The following NRDE2 variants were observed in gnomAD, a reference collection of about 807,000 sequenced individuals.
NRDE2 encodes the protein NRDE-2, necessary for RNA interference, domain containing.
NRDE2 carries 76 observed loss-of-function variants against 124.2 expected under a neutral mutation model. The ratio of observed to expected loss-of-function variants is 0.61; its 90% CI spans 0.51 to 0.74. NRDE2 has a LOEUF of 0.74. Among genes scored for constraint, NRDE2 ranks in the 30% least tolerant of loss-of-function variants. The pLI is 0.00. For synonymous variants in NRDE2, 489 were observed against 528.1 expected (o/e 0.93, Z 1.01); for missense variants, 1,314 against 1,417.3 (o/e 0.93, Z 1.17).
intron 1 of NRDE2, among the ~76,000 whole-genome samples, chr14:90,319,237 G>C (rs1345473480): frequency 6.6e-6 from 1 of 152,198 alleles, no homozygotes; most frequent in African/African-American, 2.4e-5. Context: ...TGGGAGGCCA[G>C]AGCTTATTCA....
chr14:90,301,413 C>T (rs748192292), intron 6 of NRDE2, 41 bp from the exon 7 acceptor site: 15 of 1,604,184 alleles, frequency 9.4e-6, no homozygotes, highest in Non-Finnish European at 1.3e-5. Flanking sequence ...CTGGTTGATA[C>T]CGTTAAAGGG....
rs201773398 is a variant in NRDE2 at position 90,269,392 on chromosome 14, C to T, written c.*8944G>A. The T allele has an allele frequency of 3.0e-3, 4,689 of 1,566,484 alleles. 10 individuals carry two copies. The highest frequency in any genetic ancestry group is 3.6e-3 in the Non-Finnish European group (4,210 of 1,161,762). On this transcript the variant is annotated 3_prime_UTR_variant, in exon 14 of 14. Transcript: ENST00000354366. ...TTCATTCCTTCCCTTTTTTTTTTTC[C>T]AAAGATATGACTCCAATTCTGGTGG...
At chr14:90,312,848 C>T (rs190747314) in intron 3 of NRDE2, among the ~76,000 whole-genome samples, 23 of 152,282 alleles carry the variant, frequency 1.5e-4, no homozygotes, top group African/African-American at 5.5e-4. Context: ...TAAAATATTT[C>T]ATTTAGATTA....
At chr14:90,313,394 G>A (rs935522860) in intron 3 of NRDE2, among the ~76,000 whole-genome samples, 1 of 152,048 alleles carries the variant, frequency 6.6e-6, no homozygotes, top group South Asian at 2.1e-4. Context: ...CCAAAGTGCT[G>A]GGATTACAGG....
In NRDE2 at chr14:90,288,347, T is replaced by G. The variant is rs762301795; in HGVS notation, c.3028A>C (p.Lys1010Gln). Residue 1010 changes from lysine to glutamine, a missense_variant, in exon 11 of 14, where the codon AAG becomes CAG. Transcript: ENST00000354366. ...LWRSYVQIQN[K>Q]SHSASKTRRF... ...CTGGTTTTGCTGGCACTGTGGGACT[T>G]ATTCTGAATCTGTACATAGGACCTC... 2 of 1,614,068 alleles carry G rather than the reference T, an allele frequency of 1.2e-6. No individual in the cohort carries two copies. Among genetic ancestry groups the G allele is most frequent in the South Asian group, 1.1e-5 (1 of 91,090 alleles).
chr14:90,308,664 T>A (rs1363108831), intron 4 of NRDE2, among the ~76,000 whole-genome samples: 2 of 152,200 alleles, frequency 1.3e-5, no homozygotes, highest in African/African-American at 4.8e-5. Context: ...TCAGTGTTCC[T>A]CCTAAAGTGT....
intron 7 of NRDE2, among the ~76,000 whole-genome samples, chr14:90,301,023 C>T (rs1045125496): frequency 2.1e-4 from 32 of 150,466 alleles, no homozygotes; most frequent in African/African-American, 7.4e-4. Context: ...TACCTATCCA[C>T]ATCTCACCAT....
intron 1 of NRDE2, among the ~76,000 whole-genome samples, chr14:90,322,697 G>A (rs982297770): frequency 8.5e-5 from 13 of 152,158 alleles, no homozygotes; most frequent in African/African-American, 3.1e-4. Context: ...AACAAGAAAG[G>A]TTCTGCTCAC....
chr14:90,331,691 A>G (rs1885707012), intron 1 of NRDE2, 150 bp downstream of exon 1: 8 of 841,836 alleles, frequency 9.5e-6, no homozygotes, highest in Non-Finnish European at 1.5e-5. Context: ...CCTCGGAGGG[A>G]TTGAGCCTTT....
chr14:90,269,379 C>T lies in NRDE2; in HGVS notation c.*8957G>A, dbSNP rs539223800. 2.3e-5 allele frequency: 32 copies of T among 1,404,914 alleles called. No individual in the cohort carries two copies. Among genetic ancestry groups the T allele is most frequent in the East Asian group, 2.6e-5 (1 of 39,146 alleles). 87.0% of individuals were successfully genotyped at this position (1,404,914 alleles called of 1,614,324 possible). On this transcript the variant is annotated 3_prime_UTR_variant, in exon 14 of 14. Coordinates refer to ENST00000354366, the MANE Select transcript of NRDE2 (RefSeq NM_017970.4). The stretch of plus-strand genomic sequence containing the variant: ...GATCAGTTGAGTCTTCATTCCTTCC[C>T]TTTTTTTTTTTCCAAAGATATGACT...
rs1311767530 is a variant in NRDE2 at position 90,288,473 on chromosome 14, G to C, written c.2902C>G (p.Leu968Val). The C allele has an allele frequency of 6.2e-7, 1 of 1,614,058 alleles. No homozygotes were observed. The highest frequency in any genetic ancestry group is 8.5e-7 in the Non-Finnish European group (1 of 1,180,048). ...CTCACTTTCATGTGGAATCTCAGCA[G>C]GCTCGTGTGCATCAGTGTGATGGCT... ...LEAITLMHTS[L>V]LRFHMKVSVY... Residue 968 changes from leucine to valine, a missense_variant, in exon 11 of 14, where the codon CTG becomes GTG. Transcript: ENST00000354366.
intron 8 of NRDE2, among the ~76,000 whole-genome samples, chr14:90,295,955 G>C (rs1313625584): frequency 2.0e-5 from 3 of 152,162 alleles, no homozygotes; most frequent in South Asian, 2.1e-4. Flanking sequence ...TAAAAGTCAA[G>C]GTTTTGATAT....
chr14:90,276,215 CTGT>C lies in NRDE2; in HGVS notation c.*2118_*2120del, dbSNP rs1891799376. The C allele has an allele frequency of 1.7e-5, 1 of 60,184 alleles. No homozygotes were observed. The highest frequency in any genetic ancestry group is 5.1e-5 in the African/African-American group (1 of 19,448). The allele number at this position is 60,184 out of a possible 1,614,324, so 3.7% of individuals were successfully genotyped here. A position where few individuals can be genotyped will look rare whatever the true frequency, so the allele number is the denominator to read the frequency against. ...GTTCATGTCAGCAATCTCAAACGGG[CTGT>C]TTTTTTTTTTTTTTTTTCGAGACGG... On this transcript the variant is annotated 3_prime_UTR_variant, in exon 14 of 14. Transcript: ENST00000354366.
Position 90,290,451 on chromosome 14 carries a change from A to G in NRDE2, c.1999T>C (p.Phe667Leu). The change falls in exon 10 of 14, where the codon TTT (phenylalanine) becomes CTT (leucine). Residue 667 changes from phenylalanine (F) to leucine (L), a missense_variant. Phe to Leu is a conservative substitution (Grantham distance 22). Coordinates refer to ENST00000354366, the MANE Select transcript of NRDE2 (RefSeq NM_017970.4). Reference protein sequence around the residue: ...LYLAMDENSIFDNGLYDEKPL... With the variant: ...LYLAMDENSILDNGLYDEKPL... ...TTTTCATCATAAAGTCCATTATCAA[A>G]GATGCTGTTCTCATCCATGGCCAGA... 6.2e-7 allele frequency: 1 copy of G among 1,614,100 alleles called. No individual in the cohort carries two copies. Among genetic ancestry groups the G allele is most frequent in the South Asian group, 1.1e-5 (1 of 91,084 alleles).
intron 1 of NRDE2, among the ~76,000 whole-genome samples, chr14:90,319,889 G>C (rs1463018571): frequency 6.6e-6 from 1 of 152,182 alleles, no homozygotes; most frequent in African/African-American, 2.4e-5. Context: ...TTAACATTTT[G>C]AGGAAATGCC....
At position 90,316,736 on chromosome 14, in the gene NRDE2, C is replaced by A; in HGVS notation, c.249G>T (p.Lys83Asn). ...KKLKQTSRKKKKEKKKKRKHQ... is the reference protein window; with the variant it reads ...KKLKQTSRKKNKEKKKKRKHQ... ...GCTTCCTTTTTTTCTTTTTCTCTTT[C>A]TTCTTTTTTCTACTTGTTTGTTTGA... Residue 83 changes from lysine to asparagine, a missense_variant, in exon 3 of 14, where the codon AAG becomes AAT. Coordinates refer to ENST00000354366, the MANE Select transcript of NRDE2 (RefSeq NM_017970.4). 6.2e-7 allele frequency: 1 copy of A among 1,613,380 alleles called. No homozygotes were observed. The highest frequency in any genetic ancestry group is 8.5e-7 in the Non-Finnish European group (1 of 1,179,884).
chr14:90,331,665 GCC>G (rs1885704389), intron 1 of NRDE2, among the ~76,000 whole-genome samples, 174 bp downstream of exon 1: 1 of 152,174 alleles, frequency 6.6e-6, no homozygotes, highest in Non-Finnish European at 1.5e-5. Flanking sequence ...TCCAGAACAG[GCC>G]TCTGGGCCCC....
At chr14:90,304,641 T>C (rs2139692682) in intron 4 of NRDE2, 1 of 394,758 alleles carries the variant, frequency 2.5e-6, no homozygotes, top group Non-Finnish European at 4.5e-6. Context: ...GTCTTCTAGA[T>C]CTTAGTAATT....
chr14:90,290,489 G>A lies in NRDE2; in HGVS notation c.1961C>T (p.Ala654Val), dbSNP rs779227433. The stretch of plus-strand genomic sequence containing the variant: ...ATCCATGGCCAGATAAAGACAGGAG[G>A]CTGGAGGAGTAAAGCCAGAAGGCAC... Reference protein sequence around the residue: ...LGVPSGFTPPASCLYLAMDEN... With the variant: ...LGVPSGFTPPVSCLYLAMDEN... The change falls in exon 10 of 14, where the codon GCC (alanine) becomes GTC (valine). Residue 654 changes from alanine to valine, a missense_variant. Ala to Val is a moderately conservative substitution (Grantham distance 64). Transcript: ENST00000354366. 107 of 1,613,934 alleles carry A rather than the reference G, an allele frequency of 6.6e-5. No individual in the cohort carries two copies. The highest frequency in any genetic ancestry group is 9.1e-5 in the Non-Finnish European group (107 of 1,180,012).
Sources: allele counts gnomAD v4.1 joint callset (sites outside exome capture counted in the v4.1 genomes callset), GRCh38; gene constraint gnomAD v4.1.1; transcripts MANE v1.5; gene names NCBI Gene and HGNC (gene_info 2026-07-23, HGNC 2026-07-21).